The following ARRB2 variants were observed in gnomAD, a reference collection of about 807,000 sequenced individuals.
The protein encoded by ARRB2 is beta-arrestin-2.
Under a neutral mutation model 53.4 loss-of-function variants are expected in ARRB2, and 21 were observed. That is an observed-to-expected ratio of 0.39 (90% CI 0.28 to 0.57). ARRB2 has a LOEUF of 0.57. ARRB2 is among the 20% of genes least tolerant of loss of function. ARRB2 has a pLI of 0.55. For missense variants in ARRB2, 369 were observed against 527.5 expected (o/e 0.70, Z 2.94); for synonymous variants, 180 against 212.9 (o/e 0.85, Z 1.34).
At position 4,721,340 on chromosome 17, in the gene ARRB2, G is replaced by A. The variant is rs35841115; in HGVS notation, c.*301G>A. ...GGGACAGTGAAAAGAGGAGTGACAG[G>A]AGGGAAAGGGGGAGACAAAACTCCT... On this transcript the variant is annotated 3_prime_UTR_variant, in exon 15 of 15. Transcript: ENST00000269260. This position sits in a 1 kb window ranked among gnomAD's most constrained non-coding sequence, Gnocchi z 4.2. 9.1e-5 allele frequency: 40 copies of A among 438,768 alleles called. No individual in the cohort carries two copies. Among genetic ancestry groups the A allele is most frequent in the Non-Finnish European group, 1.3e-4 (33 of 248,842 alleles). 27.2% of individuals were successfully genotyped at this position (438,768 alleles called of 1,614,324 possible).
chr17:4,715,302 C>G, intron 2 of ARRB2: 1 of 513,248 alleles, frequency 1.9e-6, no homozygotes, highest in Middle Eastern at 5.3e-4. Flanking sequence ...AAAAGCAAGC[C>G]ATGTGCCTGT....
In ARRB2 at chr17:4,717,613, G is replaced by C. The variant is rs1915203129; in HGVS notation, c.418-72G>C. On this transcript the variant is annotated intron_variant, in intron 6 of 14. Transcript: ENST00000269260. The surrounding 1 kb of genome is among the most constrained non-coding windows in gnomAD (Gnocchi z 6.0). ...AGAGTCCCTGCCCGAGAGGAGGGAA[G>C]GGGGAGGAAGAAAGGGCAGTGATGG... The C allele has an allele frequency of 1.9e-6, 3 of 1,590,008 alleles. No homozygotes were observed. In the African/African-American group the frequency reaches 4.0e-5, roughly 21 times the overall value.
In ARRB2 at chr17:4,717,209, C is replaced by T. The variant is rs201365797; in HGVS notation, c.358-8C>T. 5,196 of 1,613,832 alleles carry T rather than the reference C, an allele frequency of 3.2e-3. 13 individuals carry two copies. The highest frequency in any genetic ancestry group is 4.1e-3 in the Non-Finnish European group (4,881 of 1,179,756). ...AAGAACTGAAGTCTTCTCCTTCCTC[C>T]GCCACAGATACCCCAGAATCTTCCA... On this transcript the variant is annotated splice_region_variant and splice_polypyrimidine_tract_variant and intron_variant, in intron 5 of 14. Transcript: ENST00000269260. The surrounding 1 kb of genome is among the most constrained non-coding windows in gnomAD (Gnocchi z 6.0).
chr17:4,713,178 G>T (rs1914606414), intron 1 of ARRB2, among the ~76,000 whole-genome samples: 1 of 151,032 alleles, frequency 6.6e-6, no homozygotes, highest in Admixed American at 6.6e-5. Flanking sequence ...CTAACATGGG[G>T]AAACCTCGTC....
At chr17:4,715,554 AAC>A (rs746309796) in intron 2 of ARRB2, 65 of 232,132 alleles carry the variant, frequency 2.8e-4, no homozygotes, top group East Asian at 6.5e-4. Context: ...TGAGGATGCA[AAC>A]ACACACACAC....
At position 4,717,130 on chromosome 17, in the gene ARRB2, A is replaced by G. The variant is rs1915155891; in HGVS notation, c.358-87A>G. The G allele has an allele frequency of 6.9e-7, 1 of 1,440,228 alleles. No individual in the cohort carries two copies. Among genetic ancestry groups the G allele is most frequent in the Non-Finnish European group, 9.8e-7 (1 of 1,023,402 alleles). 89.2% of individuals were successfully genotyped at this position (1,440,228 alleles called of 1,614,324 possible). On this transcript the variant is annotated intron_variant, in intron 5 of 14. Coordinates refer to ENST00000269260, the MANE Select transcript of ARRB2 (RefSeq NM_004313.4). The surrounding 1 kb of genome is among the most constrained non-coding windows in gnomAD (Gnocchi z 6.0). ...ATTACAGGCATGAGCCACCACACCC[A>G]GCGTCTCCAGCCTCTTAGGTTGAGA...
rs1914295290 is a variant in ARRB2, at chr17:4,710,699, A to T, written c.-23A>T. On this transcript the variant is annotated 5_prime_UTR_variant, in exon 1 of 15. Coordinates refer to ENST00000269260, the MANE Select transcript of ARRB2 (RefSeq NM_004313.4). The stretch of plus-strand genomic sequence containing the variant: ...GAGGCTGCGAGCGAGCCGCGAACCG[A>T]GCGGGCGGCGGGCGCGCGCACCATG... 1 of 397,038 alleles carries T rather than the reference A, an allele frequency of 2.5e-6. No individual in the cohort carries two copies. The highest frequency in any genetic ancestry group is 1.2e-4 in the South Asian group (1 of 8,028). The allele number at this position is 397,038 out of a possible 1,614,324, so 24.6% of individuals were successfully genotyped here. A position where few individuals can be genotyped will look rare whatever the true frequency, so the allele number is the denominator to read the frequency against.
rs376581927 is a variant in ARRB2 at position 4,720,587 on chromosome 17, C to T, written c.1083C>T (p.Ala361=). The T allele has an allele frequency of 7.5e-6, 12 of 1,589,490 alleles. No homozygotes were observed. Among genetic ancestry groups the T allele is most frequent in the Admixed American group, 1.9e-5 (1 of 53,890 alleles). Residue 361 remains alanine (A), a splice_region_variant and synonymous_variant, in exon 14 of 15, where the codon GCC becomes GCT. Coordinates refer to ENST00000269260, the MANE Select transcript of ARRB2 (RefSeq NM_004313.4). The stretch of plus-strand genomic sequence containing the variant: ...CACCCCCTCTTCCCGTCCCCCCAGC[C>T]GCTCCGGAGACAGATGTCCCTGTGG... ...DHIPLPRPQS[A]APETDVPVDT...
At chr17:4,716,109 G>A (rs1382026234) in intron 3 of ARRB2, 38 bp from the exon 4 acceptor site, 1 of 1,614,176 alleles carries the variant, frequency 6.2e-7, no homozygotes, top group Non-Finnish European at 8.5e-7. Flanking sequence ...GCGGGGAGCG[G>A]CCCTTTCAGG....
rs1915024146 is a variant in ARRB2 at position 4,716,312 on chromosome 17, A to G, written c.161-100A>G. 3.1e-6 allele frequency: 5 copies of G among 1,609,330 alleles called. No homozygotes were observed. In the African/African-American group the frequency reaches 6.7e-5, roughly 21 times the overall value. On this transcript the variant is annotated intron_variant, in intron 4 of 14. Transcript: ENST00000269260. ...GAGGTGGAAGCCAGGAGTAGGGTTC[A>G]GGCAAGTCTTATGCTGCTGAGGGAG...
Position 4,718,341 on chromosome 17 carries a change from C to A in ARRB2, c.702C>A (p.Val234=). The A allele has an allele frequency of 5.0e-6, 8 of 1,610,292 alleles. No homozygotes were observed. The highest frequency in any genetic ancestry group is 6.8e-6 in the Non-Finnish European group (8 of 1,178,098). The change falls in exon 9 of 15, where the codon GTC becomes GTA. Residue 234 remains valine, a synonymous_variant. Transcript: ENST00000269260. ...CCAAGACCGTCAAGAAGATCAAAGT[C>A]TCTGGTAGGAGGTGGGGTTTGGAAG... ...NSTKTVKKIK[V]SVRQYADICL... is the part of the protein sequence containing the mutation.
chr17:4,712,255 G>T (rs1467134490), intron 1 of ARRB2, among the ~76,000 whole-genome samples: 1 of 152,248 alleles, frequency 6.6e-6, no homozygotes, highest in South Asian at 2.1e-4. Flanking sequence ...CTACCATATC[G>T]ATGTGTATTC....
At chr17:4,719,698 G>A (rs34991722) in intron 11 of ARRB2, among the ~76,000 whole-genome samples, 1,968 of 152,266 alleles carry the variant, frequency 0.013, 25 homozygotes, top group Middle Eastern at 0.044. Context: ...AGTAAGCAAT[G>A]TGGGTGAGCA....
In ARRB2 at chr17:4,719,279, C is replaced by A; in HGVS notation, c.780-4C>A. ...GCATCTTGTTCTCTTGTCCCCACCC[C>A]CAGTGACCAGGTATCTCCCAGCTCC... On this transcript the variant is annotated splice_region_variant and splice_polypyrimidine_tract_variant and intron_variant, in intron 10 of 14. Transcript: ENST00000269260. The A allele has an allele frequency of 6.2e-7, 1 of 1,610,468 alleles. No individual in the cohort carries two copies. Among genetic ancestry groups the A allele is most frequent in the Non-Finnish European group, 8.5e-7 (1 of 1,177,422 alleles).
intron 1 of ARRB2, among the ~76,000 whole-genome samples, chr17:4,711,544 CAG>C (rs764872975): frequency 3.9e-5 from 6 of 152,110 alleles, no homozygotes; most frequent in African/African-American, 7.2e-5. Flanking sequence ...GGCCTCAACT[CAG>C]AGGGTATCAG....
chr17:4,715,760 G>A, intron 2 of ARRB2: 3 of 596,048 alleles, frequency 5.0e-6, no homozygotes, highest in Admixed American at 5.9e-5. Flanking sequence ...GCAGAGGTGT[G>A]CAGAGATAAA....
Position 4,721,230 on chromosome 17 carries a change from T to C in ARRB2, c.*191T>C. On this transcript the variant is annotated 3_prime_UTR_variant, in exon 15 of 15. Coordinates refer to ENST00000269260, the MANE Select transcript of ARRB2 (RefSeq NM_004313.4). The surrounding 1 kb of genome is among the most constrained non-coding windows in gnomAD (Gnocchi z 4.2). The stretch of plus-strand genomic sequence containing the variant: ...ACACTGGACCCTCTCTTGCTGAATG[T>C]GGGCATTAATTTTTTGACTGCAGCT... 1.1e-5 allele frequency: 6 copies of C among 557,992 alleles called. No individual in the cohort carries two copies. The South Asian group carries it at 1.3e-4, about 12-fold the overall frequency. 34.6% of individuals were successfully genotyped at this position (557,992 alleles called of 1,614,324 possible). A position where few individuals can be genotyped will look rare whatever the true frequency, so the allele number is the denominator to read the frequency against.
Position 4,720,660 on chromosome 17 carries a change from A to G in ARRB2, c.1136+20A>G, listed in dbSNP as rs1407328823. 3.9e-6 allele frequency: 6 copies of G among 1,534,096 alleles called. No individual in the cohort carries two copies. Among genetic ancestry groups the G allele is most frequent in the Non-Finnish European group, 5.3e-6 (6 of 1,139,230 alleles). Reference sequence around the variant, plus strand: ...TACCAAGTAAGAAACTCATTCCCCTACTTGACCCTCTTGGGACAAAGATTC... The same window carrying G: ...TACCAAGTAAGAAACTCATTCCCCTGCTTGACCCTCTTGGGACAAAGATTC... On this transcript the variant is annotated intron_variant, in intron 14 of 14. Coordinates refer to ENST00000269260, the MANE Select transcript of ARRB2 (RefSeq NM_004313.4).
At position 4,716,545 on chromosome 17, in the gene ARRB2, C is replaced by G. The variant is rs758839620; in HGVS notation, c.294C>G (p.Pro98=). The change falls in exon 5 of 15, where the codon CCC becomes CCG. Residue 98 remains proline (P), a synonymous_variant. Transcript: ENST00000269260. ...CGGTGCCCAACCCACCCCGGCCCCC[C>G]ACCCGCCTGCAGGACCGGCTGCTGA... ...FPPVPNPPRP[P]TRLQDRLLRK... 116 of 1,593,668 alleles carry G rather than the reference C, an allele frequency of 7.3e-5. No individual in the cohort carries two copies. The highest frequency in any genetic ancestry group is 9.3e-5 in the Non-Finnish European group (109 of 1,170,710).
Sources: gnomAD v4.1 joint callset for allele counts (sites outside exome capture counted in the v4.1 genomes callset) on GRCh38, gnomAD v4.1.1 for gene constraint, Gnocchi (gnomAD v3.1) non-coding constraint, MANE v1.5 for transcripts, NCBI Gene and HGNC (gene_info 2026-07-23, HGNC 2026-07-21) for gene names.